The following RAPGEF2 variants were observed in gnomAD, a reference collection of about 807,000 sequenced individuals.
RAPGEF2 encodes Rap guanine nucleotide exchange factor 2.
In RAPGEF2, 54 loss-of-function variants were observed where a neutral mutation model predicts 186.7. The ratio of observed to expected loss-of-function variants is 0.29; its 90% CI spans 0.23 to 0.36. The LOEUF is 0.36. RAPGEF2 is among the 10% of genes least tolerant of loss of function. The probability of loss-of-function intolerance (pLI) is 1.00; values close to 1 mark genes in which losing one functional copy is unlikely to be tolerated. For synonymous variants in RAPGEF2, 712 were observed against 705.9 expected, an observed-to-expected ratio of 1.01 and a Z score of -0.14; for missense variants, 1,532 against 2,045.0, an observed-to-expected ratio of 0.75 and a Z score of 4.84.
At position 159,125,758 on chromosome 4, in the gene RAPGEF2, G is replaced by GA. The variant is rs11310531; in HGVS notation, c.69+21541dup. On this transcript the variant is annotated intron_variant, in intron 1 of 29. Coordinates refer to ENST00000691494, the MANE Select transcript of RAPGEF2 (RefSeq NM_001394067.2). ...GGGCGACAGAGTGAGAATCTGTCTCGAAAAAAAAAAAAAATAATAATTCGC... is the reference window on the plus strand; with the variant it reads ...GGGCGACAGAGTGAGAATCTGTCTCGAAAAAAAAAAAAAAATAATAATTCGC... 1.2e-3 allele frequency among the ~76,000 whole-genome samples: 169 copies of GA among 141,814 alleles called. 1 individual carries two copies. Among genetic ancestry groups the GA allele is most frequent in the East Asian group, 5.5e-3 (26 of 4,728 alleles). The allele number at this position is 141,814 out of a possible 152,430, so 93.0% of individuals were successfully genotyped here. A position where few individuals can be genotyped will look rare whatever the true frequency, so the allele number is the denominator to read the frequency against.
At chr4:159,297,603 T>C (rs917131094) in intron 7 of RAPGEF2, among the ~76,000 whole-genome samples, 1 of 152,234 alleles carries the variant, frequency 6.6e-6, no homozygotes, top group Non-Finnish European at 1.5e-5. Context: ...TCCATATAAA[T>C]ACATGATTTA....
intron 1 of RAPGEF2, among the ~76,000 whole-genome samples, chr4:159,144,514 A>G (rs945820150): frequency 6.6e-6 from 1 of 152,216 alleles, no homozygotes; most frequent in African/African-American, 2.4e-5. Flanking sequence ...CTATGAAGCT[A>G]TCCTTCATCT....
chr4:159,222,953 A>T (rs964837893), intron 4 of RAPGEF2, among the ~76,000 whole-genome samples: 2 of 151,802 alleles, frequency 1.3e-5, no homozygotes, highest in African/African-American at 4.8e-5. Flanking sequence ...CAAGAAAATC[A>T]TATTTTGAAA....
intron 1 of RAPGEF2, among the ~76,000 whole-genome samples, chr4:159,140,388 A>C (rs745845219): frequency 1.3e-5 from 2 of 152,228 alleles, no homozygotes; most frequent in Admixed American, 1.3e-4. Flanking sequence ...AATGAACCTG[A>C]ACTTACCTTT....
At chr4:159,243,461 G>T (rs573113519) in intron 6 of RAPGEF2, among the ~76,000 whole-genome samples, 12 of 151,880 alleles carry the variant, frequency 7.9e-5, no homozygotes, top group East Asian at 3.9e-4. Flanking sequence ...TTACCCCTAC[G>T]CCATATTTAC....
At chr4:159,193,743 G>A (rs934112564) in intron 3 of RAPGEF2, among the ~76,000 whole-genome samples, 4 of 152,168 alleles carry the variant, frequency 2.6e-5, no homozygotes, top group African/African-American at 9.7e-5. Context: ...CTTAAGAAAA[G>A]ACAGCGTATT....
chr4:159,297,193 T>A (rs1271721101), intron 7 of RAPGEF2, among the ~76,000 whole-genome samples: 1 of 152,078 alleles, frequency 6.6e-6, no homozygotes, highest in African/African-American at 2.4e-5. Flanking sequence ...TAAAACATTA[T>A]CATAATATAG....
At chr4:159,279,025 G>A (rs1759315426) in intron 7 of RAPGEF2, among the ~76,000 whole-genome samples, 1 of 152,034 alleles carries the variant, frequency 6.6e-6, no homozygotes, top group Admixed American at 6.6e-5. Flanking sequence ...CATCCCCTAC[G>A]GTTCCATACT....
chr4:159,154,043 T>A (rs562357972), intron 1 of RAPGEF2, among the ~76,000 whole-genome samples: 1 of 152,374 alleles, frequency 6.6e-6, no homozygotes, highest in African/African-American at 2.4e-5. Flanking sequence ...TTTTGCAAGT[T>A]GATTAACTTC....
chr4:159,268,241 C>A, intron 7 of RAPGEF2: 1 of 1,505,832 alleles, frequency 6.6e-7, no homozygotes, highest in Non-Finnish European at 9.2e-7. Context: ...GCTGCTTGTG[C>A]TTTGATAGCA....
At chr4:159,212,762 A>G (rs1212472667) in intron 4 of RAPGEF2, among the ~76,000 whole-genome samples, 2 of 152,200 alleles carry the variant, frequency 1.3e-5, no homozygotes, top group Non-Finnish European at 2.9e-5. Flanking sequence ...TGACTTTATC[A>G]TCATCTTAAT....
At chr4:159,255,598 C>T (rs1298817176) in intron 7 of RAPGEF2, among the ~76,000 whole-genome samples, 1 of 152,190 alleles carries the variant, frequency 6.6e-6, no homozygotes, top group Non-Finnish European at 1.5e-5. Context: ...CTCCTCAAAT[C>T]TGAAATGGTG....
At chr4:159,147,766 T>C (rs1258426149) in intron 1 of RAPGEF2, among the ~76,000 whole-genome samples, 2 of 152,248 alleles carry the variant, frequency 1.3e-5, no homozygotes, top group African/African-American at 4.8e-5. Flanking sequence ...AATTGTTGCT[T>C]TCTCCTTACT....
intron 1 of RAPGEF2, among the ~76,000 whole-genome samples, chr4:159,114,324 G>C (rs181540116): frequency 6.6e-6 from 1 of 151,958 alleles, no homozygotes. Flanking sequence ...GGCTGGTCTC[G>C]AACTCCTGAC....
At chr4:159,197,972 G>A (rs1437047116) in intron 3 of RAPGEF2, among the ~76,000 whole-genome samples, 1 of 152,070 alleles carries the variant, frequency 6.6e-6, no homozygotes, top group Non-Finnish European at 1.5e-5. Context: ...TCTTCCTGCC[G>A]CGTTTCTGAG....
At chr4:159,293,985 G>GGAAGGGACGTTGGGAAAT (rs1263411020) in intron 7 of RAPGEF2, among the ~76,000 whole-genome samples, 1 of 152,144 alleles carries the variant, frequency 6.6e-6, no homozygotes, top group African/African-American at 2.4e-5. Flanking sequence ...TTACGTAACC[G>GGAAGGGACGTTGGGAAAT]GAAGGGACGT....
intron 1 of RAPGEF2, among the ~76,000 whole-genome samples, chr4:159,164,341 G>A (rs557283638): frequency 6.6e-5 from 10 of 151,224 alleles, no homozygotes; most frequent in South Asian, 6.3e-4. Context: ...TTTATTAAAC[G>A]GGAGAGACAG....
rs1035284183 is a variant in RAPGEF2 at position 159,145,290 on chromosome 4, G to A, written c.69+41059G>A. Among the ~76,000 whole-genome samples the A allele has an allele frequency of 2.6e-5, 4 of 152,030 alleles. No individual in the cohort carries two copies. In the East Asian group the frequency reaches 7.7e-4, roughly 29 times the overall value. On this transcript the variant is annotated intron_variant, in intron 1 of 29. Coordinates refer to ENST00000691494, the MANE Select transcript of RAPGEF2 (RefSeq NM_001394067.2). ...ACAAGTTATATCAGTGCTTGCTGTC[G>A]GATAGAACATAATGCAAGCCACCTG...
intron 1 of RAPGEF2, among the ~76,000 whole-genome samples, chr4:159,131,516 G>T (rs1741071084): frequency 2.0e-4 from 9 of 44,288 alleles, no homozygotes; most frequent in East Asian, 9.3e-4. Context: ...CTGATTAATT[G>T]CTATTTTTTT....
Sources: gnomAD v4.1 joint callset for allele counts (sites outside exome capture counted in the v4.1 genomes callset) on GRCh38, gnomAD v4.1.1 for gene constraint, MANE v1.5 for transcripts, NCBI Gene and HGNC (gene_info 2026-07-23, HGNC 2026-07-21) for gene names.